Variants in CADM1 observed in about 807,000 individuals in gnomAD.
The protein encoded by CADM1 is TSLC-1.
Under a neutral mutation model 53.1 loss-of-function variants are expected in CADM1, and 15 were observed. The ratio of observed to expected loss-of-function variants is 0.28; its 90% CI spans 0.19 to 0.44. The LOEUF (loss-of-function observed/expected upper bound fraction) is 0.44, where lower values mean the gene tolerates loss of function less well. Ranked by LOEUF, CADM1 falls within the 20% of genes least tolerant of loss-of-function variation. The probability of loss-of-function intolerance (pLI) is 1.00; values close to 1 mark genes in which losing one functional copy is unlikely to be tolerated. For synonymous variants in CADM1, 281 were observed against 243.0 expected, an observed-to-expected ratio of 1.16 and a Z score of -1.45; for missense variants, 434 against 611.3, an observed-to-expected ratio of 0.71 and a Z score of 3.06.
At chr11:115,240,235 A>G (rs1250497004) in intron 2 of CADM1, 39 bp downstream of exon 2, 2 of 1,605,182 alleles carry the variant, frequency 1.2e-6, no homozygotes, top group African/African-American at 1.3e-5. Flanking sequence ...CATGTAGGTA[A>G]AAAAGTTGCC....
At chr11:115,294,426 T>C (rs1943992663) in intron 1 of CADM1, among the ~76,000 whole-genome samples, 1 of 152,120 alleles carries the variant, frequency 6.6e-6, no homozygotes, top group Non-Finnish European at 1.5e-5. Context: ...AACATTACAC[T>C]CAATAGCCCG....
At chr11:115,355,130 C>T (rs1945830843) in intron 1 of CADM1, among the ~76,000 whole-genome samples, 1 of 152,156 alleles carries the variant, frequency 6.6e-6, no homozygotes, top group Admixed American at 6.5e-5. Context: ...AAAGTCATCT[C>T]AAGAGAAATC....
chr11:115,389,365 G>A (rs1369828384), intron 1 of CADM1, among the ~76,000 whole-genome samples: 2 of 152,070 alleles, frequency 1.3e-5, no homozygotes, highest in African/African-American at 4.8e-5. Context: ...TAACATACAC[G>A]GTGTTCCTAA....
At chr11:115,184,615 C>A (rs755740427) in intron 10 of CADM1, among the ~76,000 whole-genome samples, 1 of 152,128 alleles carries the variant, frequency 6.6e-6, no homozygotes, top group African/African-American at 2.4e-5. Context: ...AAGGAATAAA[C>A]GTAAAGCAAG....
At chr11:115,267,172 C>CA (rs1357580498) in intron 1 of CADM1, among the ~76,000 whole-genome samples, 3 of 152,218 alleles carry the variant, frequency 2.0e-5, no homozygotes, top group Admixed American at 2.0e-4. Context: ...CAAGAAAGTT[C>CA]AAAGCAAAAT....
At chr11:115,330,034 G>A (rs547668638) in intron 1 of CADM1, among the ~76,000 whole-genome samples, 2 of 151,338 alleles carry the variant, frequency 1.3e-5, no homozygotes, top group Admixed American at 1.3e-4. Flanking sequence ...ATAGAGGGGT[G>A]CAGCAGGCCA....
chr11:115,487,536 C>T (rs1172145287), intron 1 of CADM1, among the ~76,000 whole-genome samples: 1 of 151,912 alleles, frequency 6.6e-6, no homozygotes, highest in African/African-American at 2.4e-5. Flanking sequence ...AATGGGAGAT[C>T]ATTTTCGGTT....
chr11:115,325,365 G>A (rs1944934108), intron 1 of CADM1, among the ~76,000 whole-genome samples: 1 of 152,114 alleles, frequency 6.6e-6, no homozygotes, highest in African/African-American at 2.4e-5. Flanking sequence ...AAAAAGAAGT[G>A]GTGGGGGGCA....
At position 115,232,277 on chromosome 11, in the gene CADM1, T is replaced by C. The variant is rs1395249132; in HGVS notation, c.425-787A>G. Among the ~76,000 whole-genome samples the C allele has an allele frequency of 3.3e-5, 5 of 152,140 alleles. No homozygotes were observed. In the East Asian group the frequency reaches 9.6e-4, roughly 29 times the overall value. On this transcript the variant is annotated intron_variant, in intron 3 of 11. Transcript: ENST00000331581. The stretch of plus-strand genomic sequence containing the variant: ...AAAATCTTTGAGTCCCTTAAAAGAA[T>C]CACTCACCATAAAATGCACAGAAAA...
intron 1 of CADM1, among the ~76,000 whole-genome samples, chr11:115,332,338 CA>C (rs760019637): frequency 4.6e-5 from 7 of 152,082 alleles, no homozygotes; most frequent in Non-Finnish European, 8.8e-5. Flanking sequence ...TTGAAATATT[CA>C]AAGTGGAGCA....
At chr11:115,402,872 A>C (rs1314185838) in intron 1 of CADM1, among the ~76,000 whole-genome samples, 1 of 152,212 alleles carries the variant, frequency 6.6e-6, no homozygotes, top group East Asian at 1.9e-4. Flanking sequence ...GTAGATTTAT[A>C]AATCAGTACA....
intron 1 of CADM1, among the ~76,000 whole-genome samples, chr11:115,488,863 C>T (rs1006736374): frequency 6.6e-6 from 1 of 152,102 alleles, no homozygotes; most frequent in African/African-American, 2.4e-5. Flanking sequence ...AGGTTTGATC[C>T]GATTACTGTG....
chr11:115,172,664 T>A lies in CADM1; in HGVS notation c.*3810A>T, dbSNP rs536473349. On this transcript the variant is annotated 3_prime_UTR_variant, in exon 12 of 12. Transcript: ENST00000331581. ...TACTTGGCCTCCAGAGACCGCCTTA[T>A]ACTTCTCTGCATCCCTCACCATGCT... 63 of 151,676 alleles carry A rather than the reference T, an allele frequency of 4.2e-4. 1 individual carries two copies. Among genetic ancestry groups the A allele is most frequent in the African/African-American group, 1.5e-3 (61 of 41,382 alleles). 9.4% of individuals were successfully genotyped at this position (151,676 alleles called of 1,614,324 possible). A position where few individuals can be genotyped will look rare whatever the true frequency, so the allele number is the denominator to read the frequency against.
intron 1 of CADM1, among the ~76,000 whole-genome samples, chr11:115,436,685 T>A (rs1418121008): frequency 6.6e-6 from 1 of 152,234 alleles, no homozygotes; most frequent in Non-Finnish European, 1.5e-5. Context: ...GGCAGACACA[T>A]GCAAATTCAT....
intron 1 of CADM1, among the ~76,000 whole-genome samples, chr11:115,468,849 C>T (rs1948949436): frequency 6.6e-6 from 1 of 152,112 alleles, no homozygotes; most frequent in Non-Finnish European, 1.5e-5. Flanking sequence ...TCCACATGGC[C>T]AGGGAGGCCT....
intron 1 of CADM1, among the ~76,000 whole-genome samples, chr11:115,402,425 A>G (rs1161342613): frequency 6.6e-6 from 1 of 152,200 alleles, no homozygotes; most frequent in African/African-American, 2.4e-5. Context: ...CAGGAGGCTG[A>G]GGCAGAAGAA....
intron 10 of CADM1, among the ~76,000 whole-genome samples, chr11:115,188,944 C>T (rs1418488764): frequency 6.6e-6 from 1 of 151,940 alleles, no homozygotes; most frequent in Non-Finnish European, 1.5e-5. Context: ...CTGAGTGAAG[C>T]CAAGCTCACA....
chr11:115,330,379 G>A (rs1247047191), intron 1 of CADM1, among the ~76,000 whole-genome samples: 2 of 152,112 alleles, frequency 1.3e-5, no homozygotes, highest in African/African-American at 4.8e-5. Flanking sequence ...AGATATTGCT[G>A]CAGATCTCTA....
intron 1 of CADM1, among the ~76,000 whole-genome samples, chr11:115,393,941 GA>G (rs201221855): frequency 1.3e-4 from 20 of 150,590 alleles, no homozygotes; most frequent in African/African-American, 3.2e-4. Context: ...ATTTATTGAA[GA>G]AAAAAAAAGA....
Sources: allele counts gnomAD v4.1 joint callset (sites outside exome capture counted in the v4.1 genomes callset), GRCh38; gene constraint gnomAD v4.1.1; transcripts MANE v1.5; gene names NCBI Gene and HGNC (gene_info 2026-07-23, HGNC 2026-07-21).